CNTNAP4: variants seen among roughly 807,000 people sequenced by gnomAD.
CNTNAP4 encodes contactin-associated protein-like 4.
CNTNAP4 carries 98 observed loss-of-function variants against 148.4 expected under a neutral mutation model. That is an observed-to-expected ratio of 0.66 (90% CI 0.56 to 0.78). The LOEUF (loss-of-function observed/expected upper bound fraction) is 0.78. Among genes scored for constraint, CNTNAP4 ranks in the 30% least tolerant of loss-of-function variants. CNTNAP4 has a pLI of 0.00. For synonymous variants in CNTNAP4, 730 were observed against 565.1 expected (o/e 1.29, Z -4.14); for missense variants, 1,935 against 1,565.6 (o/e 1.24, Z -3.98).
At chr16:76,319,142 C>T (rs1962138479) in intron 2 of CNTNAP4, among the ~76,000 whole-genome samples, 1 of 152,100 alleles carries the variant, frequency 6.6e-6, no homozygotes, top group South Asian at 2.1e-4. Flanking sequence ...GTAATCCTAG[C>T]ACTTTGAAAG....
intron 3 of CNTNAP4, among the ~76,000 whole-genome samples, chr16:76,419,218 G>A (rs992661151): frequency 2.0e-5 from 3 of 151,886 alleles, no homozygotes; most frequent in African/African-American, 7.3e-5. Flanking sequence ...GTGACGCTCT[G>A]ACTCCTGTTG....
intron 12 of CNTNAP4, among the ~76,000 whole-genome samples, chr16:76,486,042 T>TA (rs1390071725): frequency 6.6e-6 from 1 of 152,208 alleles, no homozygotes. Flanking sequence ...GTTATCACAC[T>TA]AAAAAATAGC....
intron 4 of CNTNAP4, among the ~76,000 whole-genome samples, chr16:76,434,488 A>G (rs1049319092): frequency 1.2e-4 from 19 of 152,302 alleles, no homozygotes; most frequent in African/African-American, 3.1e-4. Context: ...TGCAATTGCA[A>G]TCACCACTTG....
At chr16:76,525,330 C>T (rs947977220) in intron 17 of CNTNAP4, among the ~76,000 whole-genome samples, 5 of 150,864 alleles carry the variant, frequency 3.3e-5, no homozygotes, top group African/African-American at 1.2e-4. Flanking sequence ...TAATAAAACA[C>T]CTACTAGGAC....
intron 13 of CNTNAP4, among the ~76,000 whole-genome samples, chr16:76,490,438 C>T (rs536706322): frequency 1.3e-5 from 2 of 152,118 alleles, no homozygotes; most frequent in African/African-American, 4.8e-5. Flanking sequence ...CAGTCTGCTC[C>T]TGAGTTCTGG....
intron 2 of CNTNAP4, among the ~76,000 whole-genome samples, chr16:76,328,156 A>G (rs755044166): frequency 1.4e-4 from 22 of 152,244 alleles, no homozygotes; most frequent in African/African-American, 5.1e-4. Flanking sequence ...TCAACACTGT[A>G]CATTATTGGA....
intron 12 of CNTNAP4, among the ~76,000 whole-genome samples, chr16:76,487,339 T>G (rs4423447): frequency 1.3e-5 from 2 of 152,072 alleles, no homozygotes; most frequent in Non-Finnish European, 2.9e-5. Flanking sequence ...GCTGGAGATA[T>G]GATTGTTACC....
At chr16:76,523,602 T>C (rs1457345095) in intron 17 of CNTNAP4, among the ~76,000 whole-genome samples, 9 of 152,054 alleles carry the variant, frequency 5.9e-5, no homozygotes, top group Admixed American at 5.9e-4. Flanking sequence ...AATGAAGACA[T>C]AAAACACTAT....
intron 3 of CNTNAP4, among the ~76,000 whole-genome samples, chr16:76,383,419 A>G (rs1311821051): frequency 1.3e-5 from 2 of 151,334 alleles, no homozygotes; most frequent in East Asian, 3.9e-4. Flanking sequence ...AAAACGTATC[A>G]TGTAACAACA....
intron 15 of CNTNAP4, among the ~76,000 whole-genome samples, chr16:76,513,064 C>G (rs1401018617): frequency 6.6e-6 from 1 of 152,072 alleles, no homozygotes; most frequent in Non-Finnish European, 1.5e-5. Context: ...AAAGTATGAT[C>G]ACGAGAGTGG....
chr16:76,460,773 A>AAAAAAAAAAAAAAAAAT, intron 8 of CNTNAP4, among the ~76,000 whole-genome samples: 1 of 57,324 alleles, frequency 1.7e-5, no homozygotes, highest in Admixed American at 2.4e-4. Context: ...AAAAAAAAAA[A>AAAAAAAAAAAAAAAAAT]ATATATATAT....
chr16:76,325,773 A>G (rs1007309906), intron 2 of CNTNAP4, among the ~76,000 whole-genome samples: 1 of 152,180 alleles, frequency 6.6e-6, no homozygotes, highest in East Asian at 1.9e-4. Context: ...GAAAAAACCC[A>G]AAGTGCATTA....
intron 2 of CNTNAP4, among the ~76,000 whole-genome samples, chr16:76,331,248 C>T (rs1161446054): frequency 4.0e-5 from 6 of 151,434 alleles, no homozygotes; most frequent in Admixed American, 2.0e-4. Context: ...AGTGCAGTGG[C>T]GCGATCTCGG....
intron 3 of CNTNAP4, among the ~76,000 whole-genome samples, chr16:76,365,916 G>A (rs72628215): frequency 0.14 from 21,386 of 151,974 alleles, 2,129 homozygotes; most frequent in East Asian, 0.47. Flanking sequence ...AACGCCATTT[G>A]TAATAGAATC....
intron 2 of CNTNAP4, among the ~76,000 whole-genome samples, chr16:76,345,566 A>G (rs568231036): frequency 6.6e-6 from 1 of 152,194 alleles, no homozygotes; most frequent in Non-Finnish European, 1.5e-5. Flanking sequence ...GACATTGGGG[A>G]TGCGGGGGGG....
chr16:76,355,532 CAT>C (rs1567828617), intron 3 of CNTNAP4, 21 bp downstream of exon 3: 1 of 1,557,366 alleles, frequency 6.4e-7, no homozygotes, highest in Non-Finnish European at 8.7e-7. Context: ...TAACAAAAGA[CAT>C]AGTCTCTCGG....
intron 10 of CNTNAP4, among the ~76,000 whole-genome samples, chr16:76,473,215 T>C (rs891785556): frequency 6.6e-6 from 1 of 152,208 alleles, no homozygotes; most frequent in African/African-American, 2.4e-5. Context: ...TATGAAGAGA[T>C]GCCCATTATT....
At chr16:76,377,017 C>T (rs925585150) in intron 3 of CNTNAP4, among the ~76,000 whole-genome samples, 30 of 151,474 alleles carry the variant, frequency 2.0e-4, no homozygotes, top group African/African-American at 6.3e-4. Flanking sequence ...GGAGTTGGCT[C>T]GTGCAATCGA....
chr16:76,374,228 C>T (rs1433442818), intron 3 of CNTNAP4, among the ~76,000 whole-genome samples: 1 of 152,114 alleles, frequency 6.6e-6, no homozygotes, highest in Admixed American at 6.5e-5. Flanking sequence ...GGGGCAATCA[C>T]TTTATTACAT....
Sources: allele counts gnomAD v4.1 joint callset (sites outside exome capture counted in the v4.1 genomes callset), GRCh38; gene constraint gnomAD v4.1.1; transcripts MANE v1.5; gene names NCBI Gene and HGNC (gene_info 2026-07-23, HGNC 2026-07-21).